The following MAGEA11 variants were observed in gnomAD, a reference collection of about 807,000 sequenced individuals.
MAGEA11 encodes melanoma-associated antigen 11.
Under a neutral mutation model 8.4 loss-of-function variants are expected in MAGEA11, and 1 was observed. The ratio of observed to expected loss-of-function variants is 0.12; its 90% CI spans 0.04 to 0.57. The LOEUF (loss-of-function observed/expected upper bound fraction) is 0.57. Among genes scored for constraint, MAGEA11 ranks in the 20% least tolerant of loss-of-function variants. The pLI is 0.91. For synonymous variants in MAGEA11, 127 were observed against 119.3 expected, an observed-to-expected ratio of 1.06 and a Z score of -0.42; for missense variants, 209 against 317.3, an observed-to-expected ratio of 0.66 and a Z score of 2.59.
At chrX:149,706,568 G>A (rs1440681139) in intron 1 of MAGEA11, among the ~76,000 whole-genome samples, 2 of 112,557 alleles carry the variant, frequency 1.8e-5, no homozygotes, top group Non-Finnish European at 3.8e-5. Context: ...TCACCAAATG[G>A]CTACCTCATC....
chrX:149,709,736 C>T (rs1190352329), upstream of MAGEA11, among the ~76,000 whole-genome samples: 1 of 111,849 alleles, frequency 8.9e-6, no homozygotes, highest in African/African-American at 3.3e-5. Context: ...AGAGGCAAAA[C>T]ATATGATCAT....
upstream of MAGEA11, among the ~76,000 whole-genome samples, chrX:149,710,085 G>A (rs1327289807): frequency 8.9e-6 from 1 of 112,012 alleles, no homozygotes; most frequent in African/African-American, 3.2e-5. Context: ...AAATGAATAA[G>A]AGACGTGTGA....
intron 1 of MAGEA11, among the ~76,000 whole-genome samples, chrX:149,697,279 A>G (rs2090333642): frequency 9.0e-6 from 1 of 110,879 alleles, no homozygotes; most frequent in African/African-American, 3.3e-5. Context: ...TCCCTTCATT[A>G]CATTCTTCTC....
At chrX:149,688,565 A>G (rs376003240), upstream of MAGEA11, among the ~76,000 whole-genome samples, 7 of 111,443 alleles carry the variant, frequency 6.3e-5, no homozygotes, top group East Asian at 1.1e-3. Context: ...AATGAAAGAT[A>G]TTCGTATTGT....
Position 149,715,768 on chromosome X carries a change from C to G in MAGEA11, c.282C>G (p.Ile94Met). 1 of 1,201,801 alleles carries G rather than the reference C, an allele frequency of 8.3e-7. No homozygotes were observed. Among genetic ancestry groups the G allele is most frequent in the East Asian group, 3.0e-5 (1 of 33,777 alleles). Residue 94 changes from isoleucine to methionine, a missense_variant, in exon 5 of 5, where the codon ATC becomes ATG. Coordinates refer to ENST00000355220, the MANE Select transcript of MAGEA11 (RefSeq NM_005366.5). ...CTCTCCCCAGGCTGTGGGGCCCCAT[C>G]ACCCAGATATTTCCCACAGTTCGGC... Reference protein sequence around the residue: ...TGGEQVLWGPITQIFPTVRPA... With the variant: ...TGGEQVLWGPMTQIFPTVRPA...
chrX:149,698,944 TC>T (rs1446744452), intron 1 of MAGEA11, among the ~76,000 whole-genome samples: 3 of 112,054 alleles, frequency 2.7e-5, no homozygotes, highest in African/African-American at 6.5e-5. Context: ...ATTATCTCAT[TC>T]CTTTTTATGG....
chrX:149,688,502 C>T (rs1557359850), upstream of MAGEA11, among the ~76,000 whole-genome samples: 2 of 111,246 alleles, frequency 1.8e-5, no homozygotes, highest in African/African-American at 3.3e-5. Flanking sequence ...TTTACTATTC[C>T]GAAGCTGTTC....
rs782260552 is a variant in MAGEA11 at position 149,698,610 on chromosome X, G to C, written c.9+9626G>C. 1.3e-4 allele frequency among the ~76,000 whole-genome samples: 15 copies of C among 111,786 alleles called. No homozygotes were observed. The South Asian group carries it at 4.2e-3, about 31-fold the overall frequency. On this transcript the variant is annotated intron_variant, in intron 1 of 3. Coordinates refer to the MAGEA11 transcript ENST00000333104. ...ATAAAGAGCCCTCACAGCCTGTGCT[G>C]GGCTTATTGTCTTGTGAGACAATAT...
At chrX:149,692,862 A>G (rs1408926929) in intron 1 of MAGEA11, among the ~76,000 whole-genome samples, 2 of 111,573 alleles carry the variant, frequency 1.8e-5, no homozygotes, top group East Asian at 5.6e-4. Context: ...TGATGGTTCT[A>G]TGAAGGGGAG....
chrX:149,692,355 C>T (rs1014060831), intron 1 of MAGEA11, among the ~76,000 whole-genome samples: 12 of 110,008 alleles, frequency 1.1e-4, no homozygotes, highest in African/African-American at 3.7e-4. Context: ...TGCAGTGAGC[C>T]GTTATCACAA....
At chrX:149,689,119 T>A in intron 1 of MAGEA11, 1 of 535,111 alleles carries the variant, frequency 1.9e-6, no homozygotes, top group Non-Finnish European at 3.0e-6. Context: ...CCTCCCATGG[T>A]TTCTGCGTCC....
chrX:149,698,946 C>T (rs782368477), intron 1 of MAGEA11, among the ~76,000 whole-genome samples: 1 of 111,748 alleles, frequency 8.9e-6, no homozygotes, highest in East Asian at 2.8e-4. Flanking sequence ...TATCTCATTC[C>T]TTTTTATGGC....
intron 1 of MAGEA11, among the ~76,000 whole-genome samples, chrX:149,703,375 A>AT (rs1557361163): frequency 8.9e-6 from 1 of 112,357 alleles, no homozygotes; most frequent in African/African-American, 3.2e-5. Flanking sequence ...GGTGTGGAGA[A>AT]TTTGGAATGT....
chrX:149,705,968 G>A (rs1037930149), intron 1 of MAGEA11, among the ~76,000 whole-genome samples: 4 of 112,002 alleles, frequency 3.6e-5, no homozygotes, highest in African/African-American at 1.3e-4. Flanking sequence ...CCAACAAAGG[G>A]CACTAAGTGT....
At chrX:149,706,763 G>T (rs2090379160) in intron 1 of MAGEA11, among the ~76,000 whole-genome samples, 1 of 112,253 alleles carries the variant, frequency 8.9e-6, no homozygotes, top group South Asian at 3.7e-4. Context: ...GGCAAGTGTG[G>T]GCACTGCAGC....
At chrX:149,694,595 A>G (rs2090322943) in intron 1 of MAGEA11, among the ~76,000 whole-genome samples, 1 of 112,581 alleles carries the variant, frequency 8.9e-6, no homozygotes, top group African/African-American at 3.2e-5. Flanking sequence ...TCACTCTGCA[A>G]AAAATCTATT....
Position 149,716,515 on chromosome X carries a change from G to A in MAGEA11, c.1029G>A (p.Val343=), listed in dbSNP as rs2090427833. The change falls in exon 5 of 5, where the codon GTG becomes GTA. Residue 343 remains valine (V), a synonymous_variant. Coordinates refer to ENST00000355220, the MANE Select transcript of MAGEA11 (RefSeq NM_005366.5). Reference sequence around the variant, plus strand: ...GGGAAGTCCTGAGCATTATGGGGGTGTATGCTGGAAGGGAGCACTTCCTCT... The same window carrying A: ...GGGAAGTCCTGAGCATTATGGGGGTATATGCTGGAAGGGAGCACTTCCTCT... ...VMWEVLSIMG[V]YAGREHFLFG... The A allele has an allele frequency of 8.3e-7, 1 of 1,209,929 alleles. No individual in the cohort carries two copies. The highest frequency in any genetic ancestry group is 1.1e-6 in the Non-Finnish European group (1 of 895,120).
chrX:149,702,848 G>C (rs2124291931), intron 1 of MAGEA11, among the ~76,000 whole-genome samples: 1 of 111,761 alleles, frequency 8.9e-6, no homozygotes, highest in South Asian at 3.8e-4. Flanking sequence ...TTTCTTAGCA[G>C]TTGTCCTGGG....
intron 1 of MAGEA11, among the ~76,000 whole-genome samples, chrX:149,706,959 C>A (rs1041194436): frequency 8.9e-6 from 1 of 112,749 alleles, no homozygotes; most frequent in Non-Finnish European, 1.9e-5. Flanking sequence ...AGAGAGTGTT[C>A]AGATAGCCCT....
Sources: gnomAD v4.1 joint callset for allele counts (sites outside exome capture counted in the v4.1 genomes callset) on GRCh38, gnomAD v4.1.1 for gene constraint, MANE v1.5 for transcripts, NCBI Gene and HGNC (gene_info 2026-07-23, HGNC 2026-07-21) for gene names.